IRAG1: variants seen among roughly 807,000 people sequenced by gnomAD.
IRAG1 encodes inositol 1,4,5-triphosphate receptor associated 1.
In IRAG1, 62 loss-of-function variants were observed where a neutral mutation model predicts 106.2. The ratio of observed to expected loss-of-function variants is 0.58; its 90% CI spans 0.48 to 0.72. IRAG1 has a LOEUF of 0.72. Ranked by LOEUF, IRAG1 falls within the 30% of genes least tolerant of loss-of-function variation. IRAG1 has a pLI of 0.00. For missense variants in IRAG1, 1,064 were observed against 1,140.7 expected (o/e 0.93, Z 0.97); for synonymous variants, 462 against 443.9 (o/e 1.04, Z -0.51).
chr11:10,639,095 T>C lies in IRAG1; in HGVS notation c.226-5024A>G, dbSNP rs553907862. ...CCACCATGCCCAGCTAATTTTTGTA[T>C]TTTTAGTAGAGATGGGGTTTCACCA... On this transcript the variant is annotated intron_variant, in intron 2 of 20. Coordinates refer to ENST00000423302, the MANE Select transcript of IRAG1 (RefSeq NM_130385.4). Among the ~76,000 whole-genome samples, 7 of 152,106 alleles carry C rather than the reference T, an allele frequency of 4.6e-5. No homozygotes were observed. The East Asian group carries it at 1.2e-3, about 25-fold the overall frequency.
chr11:10,685,790 C>G (rs1861624215), intron 1 of IRAG1, among the ~76,000 whole-genome samples: 1 of 151,704 alleles, frequency 6.6e-6, no homozygotes, highest in Admixed American at 6.6e-5. Context: ...GAGTCAGTCT[C>G]TACATAAGCA....
intron 1 of IRAG1, among the ~76,000 whole-genome samples, chr11:10,675,196 C>T (rs1478730625): frequency 6.6e-6 from 1 of 152,206 alleles, no homozygotes; most frequent in African/African-American, 2.4e-5. Context: ...TCTAAAATTG[C>T]TTTCCACCCT....
At chr11:10,680,145 T>G (rs191596174) in intron 1 of IRAG1, among the ~76,000 whole-genome samples, 1 of 151,542 alleles carries the variant, frequency 6.6e-6, no homozygotes, top group Non-Finnish European at 1.5e-5. Flanking sequence ...TGGTGGCGCA[T>G]GCCTGTAATC....
chr11:10,610,911 C>T (rs1053280117), intron 10 of IRAG1, among the ~76,000 whole-genome samples: 3 of 152,162 alleles, frequency 2.0e-5, no homozygotes, highest in Non-Finnish European at 4.4e-5. Flanking sequence ...TACTCTTTCT[C>T]CTGGATTTTA....
At chr11:10,594,782 T>G (rs1853090894) in intron 15 of IRAG1, among the ~76,000 whole-genome samples, 2 of 152,236 alleles carry the variant, frequency 1.3e-5, no homozygotes, top group African/African-American at 4.8e-5. Context: ...CACCTGAGTA[T>G]GTGCAGAGAA....
chr11:10,649,564 C>T (rs1165069185), intron 2 of IRAG1, among the ~76,000 whole-genome samples: 2 of 152,154 alleles, frequency 1.3e-5, no homozygotes, highest in Non-Finnish European at 2.9e-5. Flanking sequence ...GGTATGACTG[C>T]ACAGTTTACA....
At chr11:10,578,760 A>G (rs1851086329) in intron 20 of IRAG1, among the ~76,000 whole-genome samples, 1 of 152,182 alleles carries the variant, frequency 6.6e-6, no homozygotes, top group South Asian at 2.1e-4. Flanking sequence ...AATGGGAGGG[A>G]GCTGACAATT....
chr11:10,630,595 A>G (rs1025701487), intron 4 of IRAG1, among the ~76,000 whole-genome samples: 1 of 152,156 alleles, frequency 6.6e-6, no homozygotes, highest in Non-Finnish European at 1.5e-5. Flanking sequence ...TGCCTATCAG[A>G]GTGGCTATCA....
In IRAG1 at chr11:10,649,589, G is replaced by T. The variant is rs142796946; in HGVS notation, c.225+2436C>A. Reference sequence around the variant, plus strand: ...CACAGTTTACATTCTTAAATCCTGTGCTAGGTATCCTCCCTGATAGGACCT... The same window carrying T: ...CACAGTTTACATTCTTAAATCCTGTTCTAGGTATCCTCCCTGATAGGACCT... On this transcript the variant is annotated intron_variant, in intron 2 of 20. Coordinates refer to ENST00000423302, the MANE Select transcript of IRAG1 (RefSeq NM_130385.4). Among the ~76,000 whole-genome samples, 3 of 152,302 alleles carry T rather than the reference G, an allele frequency of 2.0e-5. No homozygotes were observed. In the East Asian group the frequency reaches 5.8e-4, roughly 29 times the overall value.
rs1544861 is a variant in IRAG1 at position 10,657,894 on chromosome 11, T to C, written c.68-5712A>G. Among the ~76,000 whole-genome samples, 113,280 of 152,156 alleles carry C rather than the reference T, an allele frequency of 0.74. 43,232 individuals are homozygous for C. Among genetic ancestry groups the C allele is most frequent in the East Asian group, 0.98 (5,059 of 5,182 alleles). ...GGGCAGGCATGTGACCAAGGCCACA[T>C]CTATGAGTGAGGGGCAGAGTCAGAA... On this transcript the variant is annotated intron_variant, in intron 1 of 20. Transcript: ENST00000423302. This position sits in a 1 kb window ranked among gnomAD's most constrained non-coding sequence, Gnocchi z 4.1.
intron 1 of IRAG1, among the ~76,000 whole-genome samples, chr11:10,684,158 G>C (rs1304749954): frequency 3.9e-5 from 6 of 152,048 alleles, no homozygotes; most frequent in Non-Finnish European, 8.8e-5. Context: ...ACATGCATAC[G>C]TATGTTTATT....
At chr11:10,648,915 TGGGAAATA>T (rs1166640260) in intron 2 of IRAG1, among the ~76,000 whole-genome samples, 1 of 152,126 alleles carries the variant, frequency 6.6e-6, no homozygotes, top group African/African-American at 2.4e-5. Flanking sequence ...ATGCCAGTGA[TGGGAAATA>T]GGGGCTGGGA....
In IRAG1 at chr11:10,593,484, A is replaced by G. The variant is rs758648364; in HGVS notation, c.2175+8T>C. 6.8e-6 allele frequency: 11 copies of G among 1,606,788 alleles called. No homozygotes were observed. The highest frequency in any genetic ancestry group is 9.4e-6 in the Non-Finnish European group (11 of 1,173,468). ...TCTGTGCTGGGAGGCAGACATCGTC[A>G]TACTTACCAAGGCTGGTAAGGAGGG... On this transcript the variant is annotated splice_region_variant and intron_variant, in intron 17 of 20. Coordinates refer to ENST00000423302, the MANE Select transcript of IRAG1 (RefSeq NM_130385.4).
chr11:10,632,106 C>T, intron 3 of IRAG1, 45 bp from the exon 4 acceptor site: 1 of 1,393,184 alleles, frequency 7.2e-7, no homozygotes, highest in Non-Finnish European at 1.0e-6. Context: ...CAATCCACAA[C>T]TTGAAAATAG....
intron 10 of IRAG1, among the ~76,000 whole-genome samples, chr11:10,618,179 A>G (rs1855570799): frequency 6.6e-6 from 1 of 152,008 alleles, no homozygotes. Flanking sequence ...GAAGATGCCT[A>G]CATGCTTTTG....
chr11:10,576,662 T>C, intron 20 of IRAG1, 87 bp from the exon 21 acceptor site: 3 of 1,533,600 alleles, frequency 2.0e-6, no homozygotes, highest in Non-Finnish European at 2.7e-6. Context: ...GCGGATAGCT[T>C]CCATGCTGTC....
intron 14 of IRAG1, 22 bp from the exon 15 acceptor site, chr11:10,601,081 G>A: frequency 1.2e-6 from 2 of 1,612,882 alleles, no homozygotes; most frequent in Non-Finnish European, 8.5e-7. Context: ...GAGCGCATGA[G>A]TGCATGAGGC....
chr11:10,684,403 A>G (rs534526220), intron 1 of IRAG1, among the ~76,000 whole-genome samples: 1 of 152,150 alleles, frequency 6.6e-6, no homozygotes, highest in African/African-American at 2.4e-5. Context: ...TGGGAATTGA[A>G]CAATGAGAAC....
chr11:10,599,167 G>A (rs898391840), intron 15 of IRAG1, among the ~76,000 whole-genome samples: 4 of 152,134 alleles, frequency 2.6e-5, no homozygotes, highest in Admixed American at 6.5e-5. Flanking sequence ...TATTCTCCTC[G>A]GAAGTCTGCT....
Sources: gnomAD v4.1 joint callset for allele counts (sites outside exome capture counted in the v4.1 genomes callset) on GRCh38, gnomAD v4.1.1 for gene constraint, Gnocchi (gnomAD v3.1) non-coding constraint, MANE v1.5 for transcripts, NCBI Gene and HGNC (gene_info 2026-07-23, HGNC 2026-07-21) for gene names.